The following GPHN variants were observed in gnomAD, a reference collection of about 807,000 sequenced individuals.
GPHN encodes the protein gephyrin.
In GPHN, 17 loss-of-function variants were observed where a neutral mutation model predicts 95.5. That is an observed-to-expected ratio of 0.18 (90% CI 0.12 to 0.27). The LOEUF (loss-of-function observed/expected upper bound fraction) is 0.27. GPHN is among the 10% of genes least tolerant of loss of function. The pLI is 1.00. For synonymous variants in GPHN, 320 were observed against 322.5 expected (o/e 0.99, Z 0.08); for missense variants, 660 against 978.1 (o/e 0.67, Z 4.34).
chr14:66,823,405 G>A lies in GPHN; in HGVS notation c.202-1069G>A, dbSNP rs905108578. 6.6e-5 allele frequency: 10 copies of A among 152,110 alleles called. No individual in the cohort carries two copies. In the South Asian group the frequency reaches 8.3e-4, roughly 13 times the overall value. The allele number at this position is 152,110 out of a possible 1,614,324, so 9.4% of individuals were successfully genotyped here. The stretch of plus-strand genomic sequence containing the variant: ...CACAGACAATTGAAGTTTTAACTTC[G>A]GTTTATGAAACCACTTTATAAGCAC... On this transcript the variant is annotated intron_variant, in intron 3 of 22. Coordinates refer to ENST00000478722, the MANE Select transcript of GPHN (RefSeq NM_020806.5).
chr14:67,680,607 C>T, the GPHN span, among the ~76,000 whole-genome samples: 2 of 152,080 alleles, frequency 1.3e-5, no homozygotes, highest in African/African-American at 2.4e-5. Context: ...CACAGGGACA[C>T]GCCACCACGC....
At chr14:67,168,047 G>A (rs2082385821) in intron 20 of GPHN, among the ~76,000 whole-genome samples, 1 of 152,160 alleles carries the variant, frequency 6.6e-6, no homozygotes, top group African/African-American at 2.4e-5. Context: ...AGTCTGCTCA[G>A]GCTGCCATGA....
At chr14:66,730,041 T>G (rs1777771117) in intron 2 of GPHN, among the ~76,000 whole-genome samples, 1 of 152,238 alleles carries the variant, frequency 6.6e-6, no homozygotes, top group African/African-American at 2.4e-5. Flanking sequence ...CTTGGTTAAA[T>G]TAATGGAAAC....
At chr14:67,192,986 CTCTA>C in the GPHN span, among the ~76,000 whole-genome samples, 1 of 144,450 alleles carries the variant, frequency 6.9e-6, no homozygotes, top group Non-Finnish European at 1.5e-5. Flanking sequence ...ATATAGATCT[CTCTA>C]TATATCTCTA....
chr14:67,084,753 A>G (rs1233201490), intron 11 of GPHN, among the ~76,000 whole-genome samples: 1 of 152,208 alleles, frequency 6.6e-6, no homozygotes, highest in Non-Finnish European at 1.5e-5. Flanking sequence ...TCAAAGAGGT[A>G]ACATCTGAGC....
intron 2 of GPHN, among the ~76,000 whole-genome samples, chr14:66,755,936 G>A (rs888778544): frequency 1.1e-4 from 17 of 152,128 alleles, no homozygotes; most frequent in Admixed American, 5.2e-4. Context: ...TGACTTTCAA[G>A]AGTTTTCTCC....
At chr14:67,212,088 T>C in the GPHN span, among the ~76,000 whole-genome samples, 1 of 152,162 alleles carries the variant, frequency 6.6e-6, no homozygotes, top group Non-Finnish European at 1.5e-5. Flanking sequence ...AAGTCAAATA[T>C]AGGTGTGCTC....
intron 1 of GPHN, among the ~76,000 whole-genome samples, chr14:66,517,609 A>G (rs2058301290): frequency 6.6e-6 from 1 of 152,220 alleles, no homozygotes; most frequent in African/African-American, 2.4e-5. Context: ...GACCAAAGGA[A>G]CAGAATCGAG....
intron 4 of GPHN, among the ~76,000 whole-genome samples, chr14:66,840,723 A>C (rs527451975): frequency 1.5e-5 from 2 of 133,562 alleles, no homozygotes; most frequent in Admixed American, 1.7e-4. Context: ...TCACTTATAG[A>C]GTGCAGGCCA....
chr14:67,727,454 T>C, the GPHN span: 1 of 451,530 alleles, frequency 2.2e-6, no homozygotes. Flanking sequence ...CAGTAGCTTT[T>C]TGCAACAGAC....
chr14:66,693,673 C>T (rs778241622), intron 2 of GPHN, among the ~76,000 whole-genome samples: 2 of 152,158 alleles, frequency 1.3e-5, no homozygotes, highest in African/African-American at 2.4e-5. Context: ...CTTACTTACT[C>T]AGCCTATGGA....
intron 1 of GPHN, among the ~76,000 whole-genome samples, chr14:66,599,220 A>T (rs180713615): frequency 4.1e-4 from 62 of 152,166 alleles, no homozygotes; most frequent in Non-Finnish European, 7.2e-4. Context: ...TGGGTAGAGT[A>T]GGAAACACGC....
At chr14:66,734,798 C>A (rs1414873646) in intron 2 of GPHN, among the ~76,000 whole-genome samples, 2 of 152,126 alleles carry the variant, frequency 1.3e-5, no homozygotes, top group African/African-American at 4.8e-5. Context: ...CGTATTCACT[C>A]AGTAAGTGAG....
chr14:67,302,370 ATTATTT>A, the GPHN span: 1 of 1,289,660 alleles, frequency 7.8e-7, no homozygotes, highest in Non-Finnish European at 1.0e-6. Flanking sequence ...CAAAAATTGT[ATTATTT>A]TTATTTTTAA....
intron 1 of GPHN, among the ~76,000 whole-genome samples, chr14:66,654,295 G>A (rs2065198205): frequency 6.6e-6 from 1 of 151,926 alleles, no homozygotes; most frequent in South Asian, 2.1e-4. Context: ...TAGAGGTGAG[G>A]TTTCAGCATC....
the GPHN span, chr14:67,571,615 C>CT: frequency 1.3e-6 from 1 of 773,874 alleles, no homozygotes; most frequent in East Asian, 2.6e-5. Context: ...GGACCTTACA[C>CT]TGGACAGTTG....
the GPHN span, chr14:67,656,522 C>T: frequency 6.2e-7 from 1 of 1,613,974 alleles, no homozygotes; most frequent in Non-Finnish European, 8.5e-7. Flanking sequence ...ACGTTCAATA[C>T]TTTGGGTGGC....
chr14:66,654,849 T>A (rs1167126017), intron 1 of GPHN, among the ~76,000 whole-genome samples: 1 of 152,132 alleles, frequency 6.6e-6, no homozygotes, highest in Non-Finnish European at 1.5e-5. Context: ...TAGGTCGAGG[T>A]TTTTGCCTAT....
chr14:67,600,615 T>C, the GPHN span, among the ~76,000 whole-genome samples: 1 of 152,170 alleles, frequency 6.6e-6, no homozygotes. Context: ...AACCCACAGT[T>C]TGTTTTTGTT....
Sources: gnomAD v4.1 joint callset for allele counts (sites outside exome capture counted in the v4.1 genomes callset) on GRCh38, gnomAD v4.1.1 for gene constraint, MANE v1.5 for transcripts, NCBI Gene and HGNC (gene_info 2026-07-23, HGNC 2026-07-21) for gene names.